Variants in ZNF638 observed in about 807,000 individuals in gnomAD.
ZNF638 encodes the protein zinc finger protein 638.
Under a neutral mutation model 195.6 loss-of-function variants are expected in ZNF638, and 46 were observed. The ratio of observed to expected loss-of-function variants is 0.24; its 90% CI spans 0.19 to 0.30. The LOEUF is 0.30. Among genes scored for constraint, ZNF638 ranks in the 10% least tolerant of loss-of-function variants. The pLI, the probability that ZNF638 is intolerant of heterozygous loss-of-function variation, is 1.00. For synonymous variants in ZNF638, 845 were observed against 772.0 expected (o/e 1.09, Z -1.57); for missense variants, 2,440 against 2,325.3 (o/e 1.05, Z -1.01).
rs2080552963 is a variant in ZNF638 at position 71,427,010 on chromosome 2, C to T, written c.5141C>T (p.Thr1714Ile). The T allele has an allele frequency of 6.2e-7, 1 of 1,613,078 alleles. No homozygotes were observed. The part of the protein sequence containing the change: ...TLNTKGNEGD[T>I]VRDSIGFISS... ...AATACTAAAGGAAATGAAGGAGATA[C>T]TGTAAGGGATTCCATTGGCTTCATT... is the stretch of plus-strand genomic sequence containing the variant. The change falls in exon 24 of 28, where the codon ACT (threonine) becomes ATT (isoleucine). Residue 1714 changes from threonine (T) to isoleucine (I), a missense_variant. Thr to Ile is a moderately conservative substitution (Grantham distance 89). Around this residue, in one of 5 missense-constraint regions of ZNF638, gnomAD observed 1,883 missense variants for 1,739.1 expected, o/e 1.08. Transcript: ENST00000264447.
intron 10 of ZNF638, among the ~76,000 whole-genome samples, chr2:71,391,624 A>C (rs545567601): frequency 2.6e-5 from 4 of 152,350 alleles, no homozygotes; most frequent in East Asian, 1.9e-4. Context: ...TCTTAGGTAC[A>C]TACTAACTTC....
Position 71,331,836 on chromosome 2 carries a change from G to T in ZNF638, c.-242G>T. The T allele has an allele frequency of 1.0e-6, 1 of 986,254 alleles. No homozygotes were observed. Among genetic ancestry groups the T allele is most frequent in the South Asian group, 4.7e-5 (1 of 21,306 alleles). 61.1% of individuals were successfully genotyped at this position (986,254 alleles called of 1,614,324 possible). On this transcript the variant is annotated 5_prime_UTR_variant, in exon 1 of 28. Transcript: ENST00000264447. ...TGGAGGCTGAGTGCTAAACTGTGTG[G>T]GGCGCGGATGGGATCCAGCTGTTAG...
Position 71,365,453 on chromosome 2 carries a change from T to C in ZNF638, c.1742T>C (p.Val581Ala), listed in dbSNP as rs138899346. 76 of 1,608,326 alleles carry C rather than the reference T, an allele frequency of 4.7e-5. No homozygotes were observed. The highest frequency in any genetic ancestry group is 6.1e-5 in the Non-Finnish European group (72 of 1,178,012). ...GATAGAAAAAAAGCATTAGAAGATG[T>C]AGTACAACGATCTGGGCATGGGACA... is the stretch of plus-strand genomic sequence containing the variant. Reference protein sequence around the residue: ...SSDRKKALEDVVQRSGHGTEF... With the variant: ...SSDRKKALEDAVQRSGHGTEF... The change falls in exon 6 of 28, where the codon GTA becomes GCA. Residue 581 changes from valine to alanine, a missense_variant. This residue lies in a region of ZNF638 where 1,883 missense variants were observed against 1,739.1 expected (regional missense o/e 1.08). Transcript: ENST00000264447.
chr2:71,344,218 CTT>C (rs926526983), intron 1 of ZNF638, among the ~76,000 whole-genome samples: 4 of 152,230 alleles, frequency 2.6e-5, no homozygotes, highest in African/African-American at 9.6e-5. Context: ...ATTTTCCTAT[CTT>C]TTTTGTATGG....
At position 71,426,541 on chromosome 2, in the gene ZNF638, C is replaced by A; in HGVS notation, c.4672C>A (p.Gln1558Lys). Residue 1558 changes from glutamine (Q) to lysine (K), a missense_variant, in exon 24 of 28, where the codon CAG (glutamine) becomes AAG (lysine). By Grantham distance (53) the Gln-to-Lys change is moderately conservative. Transcript: ENST00000264447. ...IEEVNPSQAKQNPLKGKRKET... is the reference protein window; with the variant it reads ...IEEVNPSQAKKNPLKGKRKET... ...AGAAGTGAATCCTTCTCAGGCCAAG[C>A]AGAATCCACTAAAGGGAAAAAGGAA... 1 of 1,613,860 alleles carries A rather than the reference C, an allele frequency of 6.2e-7. No individual in the cohort carries two copies. Among genetic ancestry groups the A allele is most frequent in the East Asian group, 2.2e-5 (1 of 44,864 alleles).
intron 8 of ZNF638, among the ~76,000 whole-genome samples, chr2:71,372,841 T>C (rs1394617352): frequency 6.6e-6 from 1 of 152,234 alleles, no homozygotes; most frequent in African/African-American, 2.4e-5. Flanking sequence ...CTAACCATGT[T>C]AGTGCATTCC....
At chr2:71,399,524 A>G in intron 12 of ZNF638, 35 bp from the exon 13 acceptor site, 2 of 1,449,026 alleles carry the variant, frequency 1.4e-6, no homozygotes, top group South Asian at 2.4e-5. Flanking sequence ...ATTTAACAAG[A>G]CCTTTAGAAT....
chr2:71,347,514 A>G (rs2078870599), intron 1 of ZNF638, among the ~76,000 whole-genome samples: 1 of 152,210 alleles, frequency 6.6e-6, no homozygotes, highest in Non-Finnish European at 1.5e-5. Context: ...TGGTTAGCAA[A>G]TAGGATCCAT....
At chr2:71,339,386 G>A (rs2078726643) in intron 1 of ZNF638, among the ~76,000 whole-genome samples, 1 of 152,046 alleles carries the variant, frequency 6.6e-6, no homozygotes, top group Admixed American at 6.6e-5. Flanking sequence ...TTCCTGACCT[G>A]GTGATCCGCC....
chr2:71,408,698 T>C (rs1178961198), intron 20 of ZNF638: 19 of 442,058 alleles, frequency 4.3e-5, no homozygotes, highest in South Asian at 2.0e-4. Context: ...GTAGGAAAGC[T>C]ATGGATAGTC....
At chr2:71,405,786 A>C (rs963282901) in intron 18 of ZNF638, 144 bp downstream of exon 18, 1 of 690,418 alleles carries the variant, frequency 1.4e-6, no homozygotes, top group African/African-American at 1.8e-5. Flanking sequence ...CTTCTTGGTA[A>C]CAATAAAAAA....
At position 71,364,224 on chromosome 2, in the gene ZNF638, G is replaced by T; in HGVS notation, c.1689G>T (p.Arg563Ser). 1 of 1,614,004 alleles carries T rather than the reference G, an allele frequency of 6.2e-7. No individual in the cohort carries two copies. Among genetic ancestry groups the T allele is most frequent in the Non-Finnish European group, 8.5e-7 (1 of 1,179,912 alleles). The change falls in exon 5 of 28, where the codon AGG becomes AGT. Residue 563 changes from arginine to serine, a missense_variant. Transcript: ENST00000264447. Reference protein sequence around the residue: ...PKCFRSVSPERMSRRSVRSSD... With the variant: ...PKCFRSVSPESMSRRSVRSSD... ...GCTTTCGATCAGTTAGCCCTGAGAGGATGTCAAGGAGATCAGTGAGATCAT... is the reference window on the plus strand; with the variant it reads ...GCTTTCGATCAGTTAGCCCTGAGAGTATGTCAAGGAGATCAGTGAGATCAT...
chr2:71,376,733 T>C lies in ZNF638; in HGVS notation c.2266-3489T>C, dbSNP rs558621585. Reference sequence around the variant, plus strand: ...CAGAAAAGGTAAAAAAAATCCTATATCCCTATGTTAATATGGATTTGTACA... The same window carrying C: ...CAGAAAAGGTAAAAAAAATCCTATACCCCTATGTTAATATGGATTTGTACA... On this transcript the variant is annotated intron_variant, in intron 8 of 27. Transcript: ENST00000264447. 3.0e-4 allele frequency among the ~76,000 whole-genome samples: 46 copies of C among 152,172 alleles called. No individual in the cohort carries two copies. The South Asian group carries it at 7.0e-3, about 23-fold the overall frequency.
rs145503295 is a variant in ZNF638 at position 71,433,950 on chromosome 2, A to AG, written c.5871+668dup. ...TACGTATCTAAACCCAAGGTCACAT[A>AG]GCTAGTTAGTAGCAGACCTAGGATT... is the stretch of plus-strand genomic sequence containing the variant. On this transcript the variant is annotated intron_variant, in intron 27 of 27. Coordinates refer to ENST00000264447, the MANE Select transcript of ZNF638 (RefSeq NM_014497.5). Among the ~76,000 whole-genome samples, 445 of 152,340 alleles carry AG rather than the reference A, an allele frequency of 2.9e-3. 2 individuals carry two copies. Among genetic ancestry groups the AG allele is most frequent in the Non-Finnish European group, 5.0e-3 (337 of 68,024 alleles).
intron 2 of ZNF638, among the ~76,000 whole-genome samples, chr2:71,350,497 G>A (rs576984335): frequency 6.6e-6 from 1 of 152,256 alleles, no homozygotes; most frequent in South Asian, 2.1e-4. Context: ...TATTTTAGTA[G>A]TGTGTCCATT....
intron 3 of ZNF638, among the ~76,000 whole-genome samples, chr2:71,360,226 A>G (rs1286362777): frequency 6.6e-6 from 1 of 152,218 alleles, no homozygotes; most frequent in Non-Finnish European, 1.5e-5. Flanking sequence ...TATATTCACC[A>G]TTTGTTAATA....
At position 71,422,826 on chromosome 2, in the gene ZNF638, A is replaced by G; in HGVS notation, c.3312A>G (p.Lys1104=). ...PELEKESPGL[K]NSPIDESEVQ... ...TAAATACTTTTAGCCCTGGCTTGAAAAACAGTCCAATTGATGAAAGTGAGG... is the reference window on the plus strand; with the variant it reads ...TAAATACTTTTAGCCCTGGCTTGAAGAACAGTCCAATTGATGAAAGTGAGG... The change falls in exon 22 of 28, where the codon AAA becomes AAG. Residue 1104 remains lysine (K), a synonymous_variant. Coordinates refer to ENST00000264447, the MANE Select transcript of ZNF638 (RefSeq NM_014497.5). 1 of 1,609,032 alleles carries G rather than the reference A, an allele frequency of 6.2e-7. No individual in the cohort carries two copies. Among genetic ancestry groups the G allele is most frequent in the African/African-American group, 1.3e-5 (1 of 74,690 alleles).
At chr2:71,408,289 A>AC in intron 20 of ZNF638, 42 bp downstream of exon 20, 1 of 1,596,894 alleles carries the variant, frequency 6.3e-7, no homozygotes, top group Non-Finnish European at 8.5e-7. Flanking sequence ...TTTAGAAAAT[A>AC]CAGAGAACAT....
At chr2:71,393,480 C>T in intron 10 of ZNF638, 1 of 717,822 alleles carries the variant, frequency 1.4e-6, no homozygotes, top group South Asian at 1.5e-5. Context: ...AGGAAATGAT[C>T]CTGCAGGACC....
Sources: gnomAD v4.1 joint callset for allele counts (sites outside exome capture counted in the v4.1 genomes callset) on GRCh38, gnomAD v4.1.1 for gene constraint, gnomAD v4.1.1 regional missense constraint, MANE v1.5 for transcripts, NCBI Gene and HGNC (gene_info 2026-07-23, HGNC 2026-07-21) for gene names.